Variants in SPTBN1 observed in about 807,000 individuals in gnomAD.
SPTBN1 encodes the protein spectrin beta, non-erythrocytic 1.
Under a neutral mutation model 266.4 loss-of-function variants are expected in SPTBN1, and 32 were observed. The ratio of observed to expected loss-of-function variants is 0.12; its 90% CI spans 0.09 to 0.16. The LOEUF is 0.16. SPTBN1 is among the 10% of genes least tolerant of loss of function. The pLI, the probability that SPTBN1 is intolerant of heterozygous loss-of-function variation, is 1.00. For synonymous variants in SPTBN1, 1,336 were observed against 1,162.2 expected, an observed-to-expected ratio of 1.15 and a Z score of -3.04; for missense variants, 2,296 against 3,067.1, an observed-to-expected ratio of 0.75 and a Z score of 5.94.
At chr2:54,594,655 C>G (rs1675931162) in intron 2 of SPTBN1, among the ~76,000 whole-genome samples, 1 of 152,038 alleles carries the variant, frequency 6.6e-6, no homozygotes, top group Non-Finnish European at 1.5e-5. Context: ...CATTTTCTTT[C>G]CATACAACTA....
At chr2:54,584,998 C>G (rs896208174) in intron 2 of SPTBN1, among the ~76,000 whole-genome samples, 5 of 152,110 alleles carry the variant, frequency 3.3e-5, no homozygotes, top group African/African-American at 9.7e-5. Context: ...GATCTGTATT[C>G]CGTTTTATGG....
At chr2:54,488,748 G>T (rs1387306223) in intron 1 of SPTBN1, among the ~76,000 whole-genome samples, 2 of 151,700 alleles carry the variant, frequency 1.3e-5, no homozygotes, top group African/African-American at 4.8e-5. Context: ...TTTTGTGTAG[G>T]GAAAAAAAAT....
chr2:54,555,796 T>C (rs941512059), intron 2 of SPTBN1, among the ~76,000 whole-genome samples: 4 of 152,204 alleles, frequency 2.6e-5, no homozygotes, highest in Non-Finnish European at 5.9e-5. Context: ...ACTGTGCTGC[T>C]TGAGAGGAGG....
At chr2:54,615,741 C>T (rs1000139689) in intron 4 of SPTBN1, among the ~76,000 whole-genome samples, 2 of 152,180 alleles carry the variant, frequency 1.3e-5, no homozygotes. Flanking sequence ...GAAGGCACAC[C>T]ATGGAAGCAC....
chr2:54,542,372 G>A (rs2104400529), intron 2 of SPTBN1, among the ~76,000 whole-genome samples: 1 of 152,370 alleles, frequency 6.6e-6, no homozygotes. Flanking sequence ...TGAACGAGGA[G>A]TGCCGTGGTG....
chr2:54,461,500 A>G (rs1399372566), intron 1 of SPTBN1, among the ~76,000 whole-genome samples: 1 of 152,210 alleles, frequency 6.6e-6, no homozygotes, highest in East Asian at 1.9e-4. Flanking sequence ...GGGCATATGC[A>G]TCATCAGCCT....
At chr2:54,508,241 C>A (rs1420311197) in intron 1 of SPTBN1, among the ~76,000 whole-genome samples, 1 of 152,166 alleles carries the variant, frequency 6.6e-6, no homozygotes, top group African/African-American at 2.4e-5. Flanking sequence ...GAATAAATGA[C>A]CACGGTGGCC....
At position 54,667,604 on chromosome 2, in the gene SPTBN1, A is replaced by G. The variant is rs188483644; in HGVS notation, c.6834A>G (p.Arg2278=). 63 of 1,613,946 alleles carry G rather than the reference A, an allele frequency of 3.9e-5. No homozygotes were observed. In the East Asian group the frequency reaches 1.3e-3, roughly 34 times the overall value. The stretch of plus-strand genomic sequence containing the variant: ...CTAACTTTCTTCCTTGAAATTACAG[A>G]CTAAATGATGGCAATGAGTACCTCT... ...YKKKKHVFKL[R]LNDGNEYLFQ... Residue 2278 remains arginine (R), a splice_region_variant and synonymous_variant, in exon 35 of 36, where the codon AGA becomes AGG. Transcript: ENST00000356805.
At chr2:54,488,719 A>G (rs182819113) in intron 1 of SPTBN1, among the ~76,000 whole-genome samples, 13 of 152,288 alleles carry the variant, frequency 8.5e-5, no homozygotes, top group African/African-American at 3.1e-4. Context: ...TTGGCTGCAG[A>G]ATAACTCCAG....
At chr2:54,518,079 C>T (rs1670215068) in intron 1 of SPTBN1, among the ~76,000 whole-genome samples, 2 of 151,920 alleles carry the variant, frequency 1.3e-5, no homozygotes, top group African/African-American at 4.8e-5. Context: ...ATTATCATGC[C>T]GTGACTTTTC....
intron 1 of SPTBN1, chr2:54,457,308 G>A (rs1693106471): frequency 2.6e-5 from 4 of 152,262 alleles, no homozygotes; most frequent in Admixed American, 2.6e-4. Flanking sequence ...CCTGCTTTGG[G>A]TAGGTGGGCT....
At chr2:54,614,042 G>T (rs1193006925) in intron 4 of SPTBN1, among the ~76,000 whole-genome samples, 1 of 152,140 alleles carries the variant, frequency 6.6e-6, no homozygotes, top group Non-Finnish European at 1.5e-5. Flanking sequence ...TTCGCTTCCT[G>T]CCAGTTTGCA....
At chr2:54,520,598 G>A (rs1670376939) in intron 1 of SPTBN1, 1 of 152,006 alleles carries the variant, frequency 6.6e-6, no homozygotes, top group African/African-American at 2.4e-5. Flanking sequence ...TGAGGGGGAG[G>A]ATCTTGGCTT....
At chr2:54,498,819 G>A (rs1669105503) in intron 1 of SPTBN1, among the ~76,000 whole-genome samples, 1 of 152,160 alleles carries the variant, frequency 6.6e-6, no homozygotes. Flanking sequence ...ATGCTGTGTT[G>A]GGTGCTGGAG....
chr2:54,549,883 TAGG>T (rs954080189), intron 2 of SPTBN1, among the ~76,000 whole-genome samples: 4 of 152,102 alleles, frequency 2.6e-5, no homozygotes, highest in Non-Finnish European at 4.4e-5. Context: ...AGGGGACAGT[TAGG>T]AGGAAGAGAT....
chr2:54,563,542 TAGAA>T (rs1263703252), intron 2 of SPTBN1, among the ~76,000 whole-genome samples: 5 of 151,926 alleles, frequency 3.3e-5, no homozygotes, highest in African/African-American at 1.2e-4. Flanking sequence ...TCTTAACTCT[TAGAA>T]AGTGAAGTGC....
Position 54,621,193 on chromosome 2 carries a change from C to A in SPTBN1, c.764-207C>A, listed in dbSNP as rs144870954. ...AACTATGTGTCTGTGGAAGGCGTTT[C>A]ATGAATATTCACATAATGGGGAATC... On this transcript the variant is annotated intron_variant, in intron 7 of 35. Transcript: ENST00000356805. 6.5e-3 allele frequency among the ~76,000 whole-genome samples: 993 copies of A among 152,264 alleles called. 15 individuals are homozygous for A. The highest frequency in any genetic ancestry group is 0.023 in the African/African-American group (957 of 41,550).
intron 4 of SPTBN1, among the ~76,000 whole-genome samples, chr2:54,614,034 C>G (rs564879962): frequency 6.6e-6 from 1 of 152,262 alleles, no homozygotes; most frequent in East Asian, 1.9e-4. Flanking sequence ...TTGACTAATT[C>G]GCTTCCTGCC....
intron 17 of SPTBN1, 89 bp from the exon 18 acceptor site, chr2:54,637,624 G>A: frequency 9.6e-7 from 1 of 1,040,498 alleles, no homozygotes; most frequent in East Asian, 2.6e-5. Flanking sequence ...AGCATAGTTA[G>A]GAATTCAGGA....
Sources: gnomAD v4.1 joint callset for allele counts (sites outside exome capture counted in the v4.1 genomes callset) on GRCh38, gnomAD v4.1.1 for gene constraint, MANE v1.5 for transcripts, NCBI Gene and HGNC (gene_info 2026-07-23, HGNC 2026-07-21) for gene names.